Variants in SGIP1 observed in about 807,000 individuals in gnomAD.
SGIP1 encodes the protein SH3-containing GRB2-like protein 3-interacting protein 1.
In SGIP1, 38 loss-of-function variants were observed where a neutral mutation model predicts 107.5. The observed-to-expected ratio is 0.35, with a 90% CI of 0.27 to 0.46. The LOEUF is 0.46. Among genes scored for constraint, SGIP1 ranks in the 20% least tolerant of loss-of-function variants. SGIP1 has a pLI of 1.00. For synonymous variants in SGIP1, 365 were observed against 366.1 expected (o/e 1.00, Z 0.03); for missense variants, 929 against 1,019.5 (o/e 0.91, Z 1.21).
chr1:66,617,343 C>T lies in SGIP1; in HGVS notation c.11-8504C>T, dbSNP rs577079318. On this transcript the variant is annotated intron_variant, in intron 1 of 24. Coordinates refer to ENST00000371037, the MANE Select transcript of SGIP1 (RefSeq NM_032291.4). ...TAAAAAAATCACTGGACCAACTGGC[C>T]TCCATCTTAACTGGTCTTATGTCTT... 3.3e-5 allele frequency among the ~76,000 whole-genome samples: 5 copies of T among 152,250 alleles called. No individual in the cohort carries two copies. In the East Asian group the frequency reaches 7.7e-4, roughly 23 times the overall value.
rs1372207225 is a variant in SGIP1, at chr1:66,679,675, C to G, written c.740-3C>G. 1 of 1,602,606 alleles carries G rather than the reference C, an allele frequency of 6.2e-7. No individual in the cohort carries two copies. Among genetic ancestry groups the G allele is most frequent in the South Asian group, 1.1e-5 (1 of 88,880 alleles). ...TGATACTTAATTTCTCATCTTTTTG[C>G]AGCACCTCCACCACTGCCTCCAAAA... On this transcript the variant is annotated splice_polypyrimidine_tract_variant and splice_region_variant and intron_variant, in intron 13 of 24. Transcript: ENST00000371037.
At chr1:66,720,229 T>C (rs764209850) in intron 19 of SGIP1, among the ~76,000 whole-genome samples, 8 of 152,188 alleles carry the variant, frequency 5.3e-5, no homozygotes, top group Non-Finnish European at 1.2e-4. Flanking sequence ...AACAAAGAGA[T>C]TTGTAATCCA....
In SGIP1 at chr1:66,562,133, T is replaced by C. The variant is rs191090687; in HGVS notation, c.10+27765T>C. ...TCTGGCTTTCATTCACTGACATATA[T>C]TAGTGAGCACCTCCTATGTGCTAAG... On this transcript the variant is annotated intron_variant, in intron 1 of 24. Coordinates refer to ENST00000371037, the MANE Select transcript of SGIP1 (RefSeq NM_032291.4). 4.6e-5 allele frequency among the ~76,000 whole-genome samples: 7 copies of C among 152,044 alleles called. No individual in the cohort carries two copies. The East Asian group carries it at 1.2e-3, about 25-fold the overall frequency.
chr1:66,679,875 G>A lies in SGIP1; in HGVS notation c.814+123G>A, dbSNP rs940004401. The A allele has an allele frequency of 4.4e-6, 4 of 900,270 alleles. No homozygotes were observed. In the East Asian group the frequency reaches 9.6e-5, roughly 22 times the overall value. 55.8% of individuals were successfully genotyped at this position (900,270 alleles called of 1,614,324 possible). On this transcript the variant is annotated intron_variant, in intron 14 of 24. Coordinates refer to ENST00000371037, the MANE Select transcript of SGIP1 (RefSeq NM_032291.4). The stretch of plus-strand genomic sequence containing the variant: ...AAAAACATCACAATGTTGGCATTCA[G>A]TTTTGCTTTCATTAGAATTTCTTAT...
intron 5 of SGIP1, among the ~76,000 whole-genome samples, chr1:66,641,535 A>C (rs1316378391): frequency 2.0e-5 from 3 of 152,066 alleles, no homozygotes; most frequent in Non-Finnish European, 4.4e-5. Context: ...AGTCTGAAAC[A>C]CCTGGGATCA....
At chr1:66,626,464 G>A (rs926886843) in intron 2 of SGIP1, among the ~76,000 whole-genome samples, 19 of 152,060 alleles carry the variant, frequency 1.2e-4, no homozygotes, top group African/African-American at 4.1e-4. Flanking sequence ...ACAACTGTGG[G>A]GATGCTTTTA....
intron 18 of SGIP1, among the ~76,000 whole-genome samples, chr1:66,706,679 A>T (rs911435774): frequency 2.6e-5 from 4 of 151,936 alleles, no homozygotes; most frequent in Non-Finnish European, 4.4e-5. Flanking sequence ...AAACTTGGAA[A>T]AACAGAAAGG....
intron 1 of SGIP1, among the ~76,000 whole-genome samples, chr1:66,575,440 A>C (rs1474084967): frequency 6.6e-6 from 1 of 152,126 alleles, no homozygotes; most frequent in African/African-American, 2.4e-5. Flanking sequence ...AATCCTCTCT[A>C]CCTGCTGTGG....
At chr1:66,741,492 T>G (rs1314861283) in intron 24 of SGIP1, 56 bp downstream of exon 24, 51 of 1,472,580 alleles carry the variant, frequency 3.5e-5, no homozygotes, top group Non-Finnish European at 4.6e-5. Context: ...TTGGCTACTC[T>G]TAAGAGGAAT....
chr1:66,658,430 G>A (rs1371941532), intron 7 of SGIP1, among the ~76,000 whole-genome samples: 2 of 152,150 alleles, frequency 1.3e-5, no homozygotes, highest in Non-Finnish European at 2.9e-5. Context: ...GGAACTAACT[G>A]AAATATTTAT....
intron 1 of SGIP1, among the ~76,000 whole-genome samples, chr1:66,619,773 C>T (rs908216901): frequency 5.9e-5 from 9 of 152,200 alleles, no homozygotes; most frequent in African/African-American, 2.2e-4. Context: ...CTACAGAATG[C>T]AAACACCTCA....
At chr1:66,679,471 G>A (rs531636550) in intron 13 of SGIP1, among the ~76,000 whole-genome samples, 12 of 152,204 alleles carry the variant, frequency 7.9e-5, no homozygotes, top group African/African-American at 2.6e-4. Context: ...TTCTCTTGAC[G>A]TTCTCTTATT....
chr1:66,626,140 T>A, intron 2 of SGIP1: 3 of 100,472 alleles, frequency 3.0e-5, no homozygotes, highest in East Asian at 9.4e-4. Context: ...TTTCTTTCTT[T>A]TTTTTTTTTT....
intron 19 of SGIP1, among the ~76,000 whole-genome samples, chr1:66,721,490 C>A (rs1167855364): frequency 6.6e-6 from 1 of 152,184 alleles, no homozygotes; most frequent in Non-Finnish European, 1.5e-5. Flanking sequence ...CTCACTGCAG[C>A]CTCAACCTCC....
Position 66,749,415 on chromosome 1 carries a change from A to G in SGIP1, c.*6320A>G, listed in dbSNP as rs867975724. ...TTTAGCACAGATTTTGTGAGATTCT[A>G]TACTCTTTTAATGAGCATTTCATAG... On this transcript the variant is annotated 3_prime_UTR_variant, in exon 25 of 25. Coordinates refer to ENST00000371037, the MANE Select transcript of SGIP1 (RefSeq NM_032291.4). Among the ~76,000 whole-genome samples, 7 of 150,890 alleles carry G rather than the reference A, an allele frequency of 4.6e-5. No homozygotes were observed. The highest frequency in any genetic ancestry group is 1.5e-4 in the African/African-American group (6 of 41,034).
chr1:66,642,447 T>G (rs2076962820), intron 5 of SGIP1, among the ~76,000 whole-genome samples: 1 of 152,238 alleles, frequency 6.6e-6, no homozygotes, highest in East Asian at 1.9e-4. Context: ...TGTATTTTCT[T>G]TTTAATTTTT....
At chr1:66,673,150 C>A in intron 11 of SGIP1, 131 bp from the exon 12 acceptor site, 1 of 847,684 alleles carries the variant, frequency 1.2e-6, no homozygotes, top group Non-Finnish European at 2.0e-6. Flanking sequence ...GGCTTGTATA[C>A]ACATGCATGC....
At chr1:66,698,691 CTT>C (rs372523844) in intron 18 of SGIP1, among the ~76,000 whole-genome samples, 21 of 152,152 alleles carry the variant, frequency 1.4e-4, no homozygotes, top group African/African-American at 4.8e-4. Flanking sequence ...ATGGTGATGA[CTT>C]TTTAAATTCA....
At chr1:66,620,680 GT>G (rs773551454) in intron 1 of SGIP1, among the ~76,000 whole-genome samples, 47 of 152,334 alleles carry the variant, frequency 3.1e-4, no homozygotes, top group Non-Finnish European at 5.9e-4. Context: ...CCCTTGACAT[GT>G]GGGGATTACA....
Sources: allele counts gnomAD v4.1 joint callset (sites outside exome capture counted in the v4.1 genomes callset), GRCh38; gene constraint gnomAD v4.1.1; transcripts MANE v1.5; gene names NCBI Gene and HGNC (gene_info 2026-07-23, HGNC 2026-07-21).